Variants in SCGN observed in about 807,000 individuals in gnomAD.
The protein encoded by SCGN is secretagogin, EF-hand calcium binding protein.
A neutral mutation model predicts 39.7 loss-of-function variants in SCGN; 30 were observed. That is an observed-to-expected ratio of 0.76 (90% CI 0.57 to 1.03). The LOEUF (loss-of-function observed/expected upper bound fraction) is 1.03. Ranked by LOEUF, SCGN falls within the 50% of genes least tolerant of loss-of-function variation. SCGN has a pLI of 0.00. For missense variants in SCGN, 353 were observed against 349.4 expected, an observed-to-expected ratio of 1.01 and a Z score of -0.08; for synonymous variants, 106 against 114.1, an observed-to-expected ratio of 0.93 and a Z score of 0.45.
chr6:25,696,696 C>G (rs1050330427), intron 10 of SCGN, among the ~76,000 whole-genome samples: 1 of 152,136 alleles, frequency 6.6e-6, no homozygotes, highest in Non-Finnish European at 1.5e-5. Context: ...GGTGTGCTTT[C>G]CCATTTCCTT....
At chr6:25,685,302 C>G (rs10946791) in intron 7 of SCGN, among the ~76,000 whole-genome samples, 63 of 152,308 alleles carry the variant, frequency 4.1e-4, no homozygotes, top group Middle Eastern at 3.4e-3. Flanking sequence ...ACAAAGAGGC[C>G]TTAAAACATT....
At chr6:25,688,801 C>CAAAAAAAA (rs10626691) in intron 7 of SCGN, among the ~76,000 whole-genome samples, 4 of 103,112 alleles carry the variant, frequency 3.9e-5, no homozygotes, top group Non-Finnish European at 5.8e-5. Flanking sequence ...GATTCTGTCT[C>CAAAAAAAA]AAAAAAAAAA....
chr6:25,685,981 T>C (rs1408288539), intron 7 of SCGN, among the ~76,000 whole-genome samples: 1 of 152,218 alleles, frequency 6.6e-6, no homozygotes, highest in African/African-American at 2.4e-5. Context: ...GCATTTTATA[T>C]AAATGGAATC....
intron 6 of SCGN, among the ~76,000 whole-genome samples, chr6:25,673,666 C>T (rs1759528161): frequency 6.6e-6 from 1 of 152,172 alleles, no homozygotes; most frequent in African/African-American, 2.4e-5. Flanking sequence ...GCCCACACCT[C>T]ATAGCTCTTC....
Position 25,683,194 on chromosome 6 carries a change from G to T in SCGN, c.527+1188G>T, listed in dbSNP as rs755385909. On this transcript the variant is annotated intron_variant, in intron 7 of 10. Coordinates refer to ENST00000377961, the MANE Select transcript of SCGN (RefSeq NM_006998.4). Reference sequence around the variant, plus strand: ...TTCTCCATCAGGCCTGCGGCAGAAGGCATCTCGCCTCTGCTCCCTGGATCC... The same window carrying T: ...TTCTCCATCAGGCCTGCGGCAGAAGTCATCTCGCCTCTGCTCCCTGGATCC... 4.6e-5 allele frequency among the ~76,000 whole-genome samples: 7 copies of T among 152,316 alleles called. No homozygotes were observed. The East Asian group carries it at 1.2e-3, about 25-fold the overall frequency.
chr6:25,694,817 G>A (rs1759819345), intron 10 of SCGN, among the ~76,000 whole-genome samples: 1 of 152,162 alleles, frequency 6.6e-6, no homozygotes, highest in African/African-American at 2.4e-5. Context: ...GCCAGTAGTT[G>A]AATTTCATAT....
intron 2 of SCGN, among the ~76,000 whole-genome samples, chr6:25,659,261 A>T (rs1760288223): frequency 6.6e-6 from 1 of 152,188 alleles, no homozygotes; most frequent in Admixed American, 6.5e-5. Flanking sequence ...CATCCTGAAA[A>T]ATCCCCAAAG....
intron 6 of SCGN, among the ~76,000 whole-genome samples, chr6:25,670,679 C>T (rs1285934634): frequency 6.6e-6 from 1 of 152,168 alleles, no homozygotes; most frequent in African/African-American, 2.4e-5. Flanking sequence ...AATGAGTTAG[C>T]TCTTATTGCA....
At chr6:25,657,617 G>A (rs56329220) in intron 2 of SCGN, among the ~76,000 whole-genome samples, 9,683 of 151,070 alleles carry the variant, frequency 0.064, 433 homozygotes, top group Non-Finnish European at 0.094. Context: ...GATCATTGAA[G>A]CTTACTCTCT....
chr6:25,670,860 T>C (rs1759488779), intron 6 of SCGN, among the ~76,000 whole-genome samples: 1 of 152,208 alleles, frequency 6.6e-6, no homozygotes, highest in South Asian at 2.1e-4. Context: ...CCAGTACTTA[T>C]CAATGATTTG....
intron 6 of SCGN, among the ~76,000 whole-genome samples, chr6:25,677,339 G>T (rs185259475): frequency 4.2e-4 from 64 of 152,088 alleles, no homozygotes; most frequent in African/African-American, 1.4e-3. Flanking sequence ...AATTACAATT[G>T]TATGCCCTAA....
intron 10 of SCGN, among the ~76,000 whole-genome samples, chr6:25,696,628 T>C (rs1345522297): frequency 6.6e-6 from 1 of 152,186 alleles, no homozygotes; most frequent in Admixed American, 6.5e-5. Context: ...GTGGTTTGTG[T>C]GCTTTAAAAT....
At chr6:25,678,465 C>T (rs924516995) in intron 6 of SCGN, among the ~76,000 whole-genome samples, 8 of 152,086 alleles carry the variant, frequency 5.3e-5, no homozygotes, top group Non-Finnish European at 1.2e-4. Flanking sequence ...CAAAACAAAA[C>T]AAAGATCCCT....
chr6:25,661,539 T>G lies in SCGN; in HGVS notation c.154-13T>G. On this transcript the variant is annotated splice_polypyrimidine_tract_variant and intron_variant, in intron 2 of 10. Transcript: ENST00000377961. ...CCAGTGGCTTTAATGTGGCTCTGTT[T>G]GGTCAATTGCAGGACACGGTCATGA... 1.2e-6 allele frequency: 2 copies of G among 1,601,940 alleles called. No homozygotes were observed. Among genetic ancestry groups the G allele is most frequent in the Non-Finnish European group, 8.6e-7 (1 of 1,169,334 alleles).
At chr6:25,668,264 A>G (rs1759424521) in intron 4 of SCGN, among the ~76,000 whole-genome samples, 1 of 152,232 alleles carries the variant, frequency 6.6e-6, no homozygotes, top group South Asian at 2.1e-4. Context: ...TACAAGAGTT[A>G]ATGAGCTTGC....
chr6:25,670,055 G>C lies in SCGN; in HGVS notation c.450G>C (p.Leu150=). 1 of 1,612,882 alleles carries C rather than the reference G, an allele frequency of 6.2e-7. No homozygotes were observed. Among genetic ancestry groups the C allele is most frequent in the Non-Finnish European group, 8.5e-7 (1 of 1,179,024 alleles). The change falls in exon 6 of 11, where the codon CTG becomes CTC. Residue 150 remains leucine (L), a synonymous_variant. Coordinates refer to ENST00000377961, the MANE Select transcript of SCGN (RefSeq NM_006998.4). ...HHKKAISEAK[L]EEYTGTMMKI... ...AAAAGGCCATTTCTGAGGCTAAACT[G>C]GAAGAATACACTGGCACCATGGTAA...
chr6:25,694,707 G>C (rs1447956933), intron 10 of SCGN, among the ~76,000 whole-genome samples: 3 of 152,162 alleles, frequency 2.0e-5, no homozygotes, highest in Non-Finnish European at 4.4e-5. Flanking sequence ...AGGTGCATAC[G>C]TTTACTGTGC....
chr6:25,655,972 T>A (rs1188204246), intron 2 of SCGN, among the ~76,000 whole-genome samples: 1 of 152,196 alleles, frequency 6.6e-6, no homozygotes, highest in Admixed American at 6.5e-5. Flanking sequence ...TGGATGCCTT[T>A]CAAAACGCTG....
intron 10 of SCGN, among the ~76,000 whole-genome samples, chr6:25,691,879 G>T (rs573151601): frequency 6.6e-6 from 1 of 152,332 alleles, no homozygotes; most frequent in African/African-American, 2.4e-5. Flanking sequence ...TGTGTGTGGA[G>T]TTCCAGACTT....
Sources: gnomAD v4.1 joint callset for allele counts (sites outside exome capture counted in the v4.1 genomes callset) on GRCh38, gnomAD v4.1.1 for gene constraint, MANE v1.5 for transcripts, NCBI Gene and HGNC (gene_info 2026-07-23, HGNC 2026-07-21) for gene names.